The following HMCN1 variants were observed in gnomAD, a reference collection of about 807,000 sequenced individuals.
HMCN1 encodes hemicentin 1.
A neutral mutation model predicts 625.9 loss-of-function variants in HMCN1; 321 were observed. The ratio of observed to expected loss-of-function variants is 0.51; its 90% confidence interval spans 0.47 to 0.56. The LOEUF (loss-of-function observed/expected upper bound fraction) is 0.56. Among genes scored for constraint, HMCN1 ranks in the 20% least tolerant of loss-of-function variants. HMCN1 has a pLI of 0.00. For missense variants in HMCN1, 6,588 were observed against 6,887.3 expected (o/e 0.96, Z 1.54); for synonymous variants, 2,425 against 2,417.6 (o/e 1.00, Z -0.09).
rs752994825 is a variant in HMCN1, at chr1:186,095,409, T to C, written c.10461T>C (p.His3487=). Residue 3487 remains histidine (H), a synonymous_variant, in exon 68 of 107, where the codon CAT becomes CAC. Transcript: ENST00000271588. ...ATGCCCATCTGACAGTCAGCACCCATGGAATGGTCCTGCAGCTCCTCAAAG... is the reference window on the plus strand; with the variant it reads ...ATGCCCATCTGACAGTCAGCACCCACGGAATGGTCCTGCAGCTCCTCAAAG... ...GLDAHLTVST[H]GMVLQLLKAE... is the part of the protein sequence containing the mutation. 1.2e-6 allele frequency: 2 copies of C among 1,613,720 alleles called. No individual in the cohort carries two copies. Among genetic ancestry groups the C allele is most frequent in the African/African-American group, 1.3e-5 (1 of 75,006 alleles).
Position 185,977,717 on chromosome 1 carries a change from ATTTAAG to A in HMCN1, c.2372-65_2372-60del, listed in dbSNP as rs1651317683. 8.4e-6 allele frequency: 8 copies of A among 953,456 alleles called. No homozygotes were observed. The East Asian group carries it at 9.6e-5, about 11-fold the overall frequency. The allele number at this position is 953,456 out of a possible 1,614,324, so 59.1% of individuals were successfully genotyped here. On this transcript the variant is annotated intron_variant, in intron 15 of 106. Transcript: ENST00000271588. ...AAATTCAATGATTTGACAGTTTAATATTTAAGTTTATGTTTAATATGCCTGTATAAT... is the reference window on the plus strand; with the variant it reads ...AAATTCAATGATTTGACAGTTTAATATTTATGTTTAATATGCCTGTATAAT...
chr1:186,112,912 T>C lies in HMCN1; in HGVS notation c.11090T>C (p.Ile3697Thr). ...AATTATACCTGTGTTGCCAGCAACATTGCAGGAAAGACTACAAGAGAATTT... is the reference window on the plus strand; with the variant it reads ...AATTATACCTGTGTTGCCAGCAACACTGCAGGAAAGACTACAAGAGAATTT... ...TANYTCVASN[I>T]AGKTTREFIL... The change falls in exon 72 of 107, where the codon ATT (isoleucine) becomes ACT (threonine). Residue 3697 changes from isoleucine to threonine, a missense_variant. Ile to Thr is a moderately conservative substitution (Grantham distance 89, BLOSUM62 -1). Around this residue, in one of 3 missense-constraint regions of HMCN1, gnomAD observed 4,628 missense variants for 4,853.1 expected, o/e 0.95. Coordinates refer to ENST00000271588, the MANE Select transcript of HMCN1 (RefSeq NM_031935.3). The C allele has an allele frequency of 6.2e-7, 1 of 1,614,114 alleles. No homozygotes were observed. Among genetic ancestry groups the C allele is most frequent in the Non-Finnish European group, 8.5e-7 (1 of 1,179,986 alleles).
chr1:186,144,086 T>G (rs962431753), intron 89 of HMCN1, 87 bp from the exon 90 acceptor site: 1 of 1,211,098 alleles, frequency 8.3e-7, no homozygotes, highest in Non-Finnish European at 1.2e-6. Context: ...ACTAATTAGC[T>G]CATTACTGAG....
chr1:186,112,169 T>G (rs1020528637), intron 71 of HMCN1, among the ~76,000 whole-genome samples: 1 of 152,346 alleles, frequency 6.6e-6, no homozygotes, highest in East Asian at 1.9e-4. Context: ...TAAGAAATAT[T>G]TGTGGTGGTT....
intron 4 of HMCN1, among the ~76,000 whole-genome samples, chr1:185,882,781 A>T (rs1393798134): frequency 6.6e-6 from 1 of 152,084 alleles, no homozygotes; most frequent in Non-Finnish European, 1.5e-5. Flanking sequence ...TCAACTCTTC[A>T]AAGATTATAA....
intron 36 of HMCN1, among the ~76,000 whole-genome samples, chr1:186,028,054 A>G (rs1165309467): frequency 6.6e-6 from 1 of 152,080 alleles, no homozygotes; most frequent in Non-Finnish European, 1.5e-5. Context: ...ACTATTTCAC[A>G]ATTTCACTAG....
rs1278065192 is a variant in HMCN1 at position 186,136,811 on chromosome 1, G to A, written c.13456G>A (p.Val4486Ile). ...QGHSISWDDR[V>I]NVLSNNSLYI... The stretch of plus-strand genomic sequence containing the variant: ...GCACTCTATTTCCTGGGATGACCGG[G>A]TTAACGTGTTGTCCAACAACTCATT... The change falls in exon 87 of 107, where the codon GTT becomes ATT. Residue 4486 changes from valine (V) to isoleucine (I), a missense_variant. Physicochemically the swap from Val to Ile is conservative, Grantham distance 29. Around this residue, in one of 3 missense-constraint regions of HMCN1, gnomAD observed 1,954 missense variants for 2,013.1 expected, o/e 0.97. Coordinates refer to ENST00000271588, the MANE Select transcript of HMCN1 (RefSeq NM_031935.3). The A allele has an allele frequency of 6.2e-7, 1 of 1,613,978 alleles. No homozygotes were observed. The highest frequency in any genetic ancestry group is 1.1e-5 in the South Asian group (1 of 91,072).
intron 4 of HMCN1, among the ~76,000 whole-genome samples, chr1:185,895,057 C>A (rs927137841): frequency 3.9e-5 from 6 of 151,936 alleles, no homozygotes; most frequent in African/African-American, 1.2e-4. Flanking sequence ...TTGGGGGTGA[C>A]TTAACATTTT....
chr1:185,907,200 T>C (rs753956811), intron 4 of HMCN1, among the ~76,000 whole-genome samples: 1 of 152,012 alleles, frequency 6.6e-6, no homozygotes, highest in African/African-American at 2.4e-5. Flanking sequence ...ACAAATATGT[T>C]TTATTTCATA....
At chr1:185,815,749 G>T (rs571353750) in intron 1 of HMCN1, among the ~76,000 whole-genome samples, 19 of 149,958 alleles carry the variant, frequency 1.3e-4, no homozygotes, top group Non-Finnish European at 2.6e-4. Flanking sequence ...CTCTAATTTT[G>T]AAAATACAAG....
chr1:186,092,259 T>C (rs776428636), intron 64 of HMCN1, among the ~76,000 whole-genome samples: 7 of 151,944 alleles, frequency 4.6e-5, no homozygotes, highest in Non-Finnish European at 8.8e-5. Context: ...CCAAAGTCAA[T>C]GTACTACCTT....
chr1:186,114,930 A>G lies in HMCN1; in HGVS notation c.11388A>G (p.Ile3796Met). 2.5e-6 allele frequency: 4 copies of G among 1,614,194 alleles called. No homozygotes were observed. Among genetic ancestry groups the G allele is most frequent in the Non-Finnish European group, 3.4e-6 (4 of 1,180,028 alleles). ...TNAAGTDRRR[I>M]DLQVHVPPSI... ...CTGCTGGAACAGATCGCAGGCGAAT[A>G]GATTTACAGGTCCATGGTAAATATC... is the stretch of plus-strand genomic sequence containing the variant. Residue 3796 changes from isoleucine (I) to methionine (M), a missense_variant, in exon 74 of 107, where the codon ATA becomes ATG. Ile to Met is a conservative substitution (Grantham distance 10). Transcript: ENST00000271588.
At chr1:186,070,567 T>C (rs112182592) in intron 51 of HMCN1, 45 bp from the exon 52 acceptor site, 1 of 1,527,836 alleles carries the variant, frequency 6.5e-7, no homozygotes, top group South Asian at 1.1e-5. Flanking sequence ...ATTCCATGTA[T>C]TGAAAATAAC....
chr1:186,173,470 A>G (rs1442162452), intron 102 of HMCN1, among the ~76,000 whole-genome samples: 1 of 151,804 alleles, frequency 6.6e-6, no homozygotes, highest in Non-Finnish European at 1.5e-5. Flanking sequence ...GTGGAACCTC[A>G]TCTCTACTAA....
intron 68 of HMCN1, among the ~76,000 whole-genome samples, chr1:186,096,697 C>A (rs1338110754): frequency 6.6e-6 from 1 of 152,082 alleles, no homozygotes; most frequent in Admixed American, 6.6e-5. Context: ...ATCATTCACT[C>A]TGATCAAGTG....
chr1:185,946,940 T>C (rs1456858478), intron 11 of HMCN1, among the ~76,000 whole-genome samples: 1 of 152,228 alleles, frequency 6.6e-6, no homozygotes, highest in African/African-American at 2.4e-5. Flanking sequence ...TAAGAGTCTG[T>C]CATTAAAATC....
intron 106 of HMCN1, among the ~76,000 whole-genome samples, chr1:186,188,307 T>C (rs538712559): frequency 1.3e-5 from 2 of 152,296 alleles, no homozygotes; most frequent in South Asian, 2.1e-4. Context: ...GATGGAGTGA[T>C]AGAGCCTGCC....
rs1650978688 is a variant in HMCN1, at chr1:186,038,998, A to G, written c.6021A>G (p.Gln2007=). Residue 2007 remains glutamine, a synonymous_variant, in exon 38 of 107, where the codon CAA becomes CAG. Transcript: ENST00000271588. ...AGATELFYSL[Q]VHVAPSISGS... Reference sequence around the variant, plus strand: ...CTACAGAGTTATTTTACAGTCTGCAAGTTCATGGTTAGTGCCACTTCACCT... The same window carrying G: ...CTACAGAGTTATTTTACAGTCTGCAGGTTCATGGTTAGTGCCACTTCACCT... The G allele has an allele frequency of 1.9e-6, 3 of 1,608,684 alleles. No homozygotes were observed. Among genetic ancestry groups the G allele is most frequent in the Non-Finnish European group, 2.6e-6 (3 of 1,175,122 alleles).
chr1:186,105,044 G>A lies in HMCN1; in HGVS notation c.10770+1376G>A, dbSNP rs543541460. 5.3e-5 allele frequency among the ~76,000 whole-genome samples: 8 copies of A among 152,208 alleles called. No homozygotes were observed. The East Asian group carries it at 7.7e-4, about 15-fold the overall frequency. ...GTCTTAAAGGCAAGAACAAAAAGTC[G>A]AGTTATAAGAAAACAAGATGAAGGT... On this transcript the variant is annotated intron_variant, in intron 69 of 106. Coordinates refer to ENST00000271588, the MANE Select transcript of HMCN1 (RefSeq NM_031935.3).
Sources: allele counts gnomAD v4.1 joint callset (sites outside exome capture counted in the v4.1 genomes callset), GRCh38; gene constraint gnomAD v4.1.1; regional missense constraint gnomAD v4.1.1; transcripts MANE v1.5; gene names NCBI Gene and HGNC (gene_info 2026-07-23, HGNC 2026-07-21).